The following COX7B2 variants were observed in gnomAD, a reference collection of about 807,000 sequenced individuals.
COX7B2 encodes the protein cytochrome c oxidase subunit 7B2, mitochondrial.
For synonymous variants in COX7B2, 37 were observed against 32.1 expected, an observed-to-expected ratio of 1.15 and a Z score of -0.51; for missense variants, 109 against 95.9, an observed-to-expected ratio of 1.14 and a Z score of -0.57.
intron 2 of COX7B2, among the ~76,000 whole-genome samples, chr4:46,834,587 G>A (rs1415574527): frequency 2.0e-5 from 3 of 151,996 alleles, no homozygotes; most frequent in East Asian, 1.9e-4. Context: ...ACATTTAAAT[G>A]CTTTTATCCA....
At chr4:46,741,447 C>A (rs1714701971) in intron 2 of COX7B2, among the ~76,000 whole-genome samples, 1 of 151,992 alleles carries the variant, frequency 6.6e-6, no homozygotes, top group East Asian at 1.9e-4. Flanking sequence ...TAAATGTTAC[C>A]TAGGGTGCAA....
At chr4:46,853,263 A>G (rs769341298) in intron 1 of COX7B2, among the ~76,000 whole-genome samples, 10 of 152,164 alleles carry the variant, frequency 6.6e-5, no homozygotes, top group Non-Finnish European at 1.5e-4. Context: ...ATCAGTATAT[A>G]CGCTAAAAAC....
chr4:46,802,045 G>A (rs1371298910), intron 2 of COX7B2, among the ~76,000 whole-genome samples: 3 of 152,040 alleles, frequency 2.0e-5, no homozygotes, highest in African/African-American at 4.8e-5. Flanking sequence ...CCCTTCCCTT[G>A]GTAAATGACA....
chr4:46,878,521 C>T (rs1185708450), intron 1 of COX7B2, among the ~76,000 whole-genome samples: 1 of 151,674 alleles, frequency 6.6e-6, no homozygotes, highest in African/African-American at 2.4e-5. Context: ...ATACACATTA[C>T]ATTTTAGATC....
At chr4:46,792,841 A>G (rs1471560235) in intron 2 of COX7B2, among the ~76,000 whole-genome samples, 1 of 152,186 alleles carries the variant, frequency 6.6e-6, no homozygotes, top group African/African-American at 2.4e-5. Context: ...TTGTGTCTTT[A>G]ATTTGATTAG....
At chr4:46,818,836 A>G (rs770053004) in intron 2 of COX7B2, among the ~76,000 whole-genome samples, 1 of 152,224 alleles carries the variant, frequency 6.6e-6, no homozygotes, top group Non-Finnish European at 1.5e-5. Flanking sequence ...CCACAAACAC[A>G]GGGCCTCTGT....
chr4:46,851,842 C>A (rs906253164), intron 1 of COX7B2, among the ~76,000 whole-genome samples: 1 of 152,088 alleles, frequency 6.6e-6, no homozygotes. Flanking sequence ...ACTTTCTTAG[C>A]GCATCAAGAC....
At chr4:46,786,729 A>G (rs1458626781) in intron 2 of COX7B2, among the ~76,000 whole-genome samples, 1 of 152,170 alleles carries the variant, frequency 6.6e-6, no homozygotes, top group Non-Finnish European at 1.5e-5. Flanking sequence ...ATCACTGACG[A>G]GATTATGTCA....
intron 2 of COX7B2, among the ~76,000 whole-genome samples, chr4:46,813,222 A>G (rs1419305855): frequency 1.3e-5 from 2 of 152,170 alleles, no homozygotes; most frequent in African/African-American, 4.8e-5. Context: ...ATGTACATCT[A>G]TTTACCAAAT....
intron 2 of COX7B2, among the ~76,000 whole-genome samples, chr4:46,779,321 G>T (rs1362352923): frequency 1.3e-5 from 2 of 151,986 alleles, no homozygotes; most frequent in Non-Finnish European, 1.5e-5. Flanking sequence ...CTGTTCTTTA[G>T]GTTCATTCAT....
intron 1 of COX7B2, among the ~76,000 whole-genome samples, chr4:46,847,322 C>T (rs905168741): frequency 6.6e-6 from 1 of 152,102 alleles, no homozygotes; most frequent in African/African-American, 2.4e-5. Context: ...AGGGAAGCCT[C>T]TAGAAACTTA....
chr4:46,880,847 G>C lies in COX7B2; in HGVS notation c.-105+28313C>G, dbSNP rs1388211986. Reference sequence around the variant, plus strand: ...ATCACACTCTGGGGACTGTGGTGGGGTTGGGGGAGGGGGGAGGGATAGCAT... The same window carrying C: ...ATCACACTCTGGGGACTGTGGTGGGCTTGGGGGAGGGGGGAGGGATAGCAT... On this transcript the variant is annotated intron_variant, in intron 1 of 2. Coordinates refer to ENST00000355591, the MANE Select transcript of COX7B2 (RefSeq NM_130902.3). Among the ~76,000 whole-genome samples, 5 of 121,920 alleles carry C rather than the reference G, an allele frequency of 4.1e-5. No homozygotes were observed. In the Admixed American group the frequency reaches 4.7e-4, roughly 11 times the overall value. 80.0% of individuals were successfully genotyped at this position (121,920 alleles called of 152,430 possible).
At chr4:46,885,929 T>C (rs912042942) in intron 1 of COX7B2, among the ~76,000 whole-genome samples, 21 of 152,170 alleles carry the variant, frequency 1.4e-4, no homozygotes, top group African/African-American at 3.9e-4. Flanking sequence ...CAAGAGTTTA[T>C]TTTTCATGTT....
At chr4:46,861,571 G>A (rs1717336775) in intron 1 of COX7B2, among the ~76,000 whole-genome samples, 1 of 152,136 alleles carries the variant, frequency 6.6e-6, no homozygotes, top group African/African-American at 2.4e-5. Flanking sequence ...CTCAGGTCTA[G>A]TACAAATTGG....
Position 46,734,832 on chromosome 4 carries a change from A to G in COX7B2, c.*115T>C. The G allele has an allele frequency of 8.0e-7, 1 of 1,257,030 alleles. No homozygotes were observed. 77.9% of individuals were successfully genotyped at this position (1,257,030 alleles called of 1,614,324 possible). ...TAATGACCATTTGCAATGACTTTTT[A>G]AAGATTTAAAACACATTTTATTTTT... On this transcript the variant is annotated 3_prime_UTR_variant, in exon 3 of 3. Coordinates refer to ENST00000355591, the MANE Select transcript of COX7B2 (RefSeq NM_130902.3).
intron 2 of COX7B2, among the ~76,000 whole-genome samples, chr4:46,741,506 C>T (rs537487623): frequency 2.6e-5 from 4 of 152,102 alleles, no homozygotes; most frequent in African/African-American, 7.2e-5. Context: ...AAGGTGTATC[C>T]TCCCCTATCA....
intron 2 of COX7B2, among the ~76,000 whole-genome samples, chr4:46,833,698 A>T (rs1282813233): frequency 1.3e-5 from 2 of 152,182 alleles, no homozygotes. Context: ...TAATACTGTG[A>T]CTTTAACAGT....
At chr4:46,899,253 G>T (rs918913398) in intron 1 of COX7B2, among the ~76,000 whole-genome samples, 5 of 152,058 alleles carry the variant, frequency 3.3e-5, no homozygotes, top group African/African-American at 9.7e-5. Flanking sequence ...TGTAGCAATT[G>T]TGTCTTTCAA....
At chr4:46,830,135 C>T (rs1353188490) in intron 2 of COX7B2, among the ~76,000 whole-genome samples, 1 of 151,850 alleles carries the variant, frequency 6.6e-6, no homozygotes, top group Non-Finnish European at 1.5e-5. Context: ...ACCAGCCTGG[C>T]CAACATGGTG....
Sources: gnomAD v4.1 joint callset for allele counts (sites outside exome capture counted in the v4.1 genomes callset) on GRCh38, gnomAD v4.1.1 for gene constraint, MANE v1.5 for transcripts, NCBI Gene and HGNC (gene_info 2026-07-23, HGNC 2026-07-21) for gene names.